MAP3K4: variants seen among roughly 807,000 people sequenced by gnomAD.
The protein encoded by MAP3K4 is mitogen-activated protein kinase kinase kinase 4.
A neutral mutation model predicts 185.6 loss-of-function variants in MAP3K4; 67 were observed. The ratio of observed to expected loss-of-function variants is 0.36; its 90% CI spans 0.30 to 0.44. MAP3K4 has a LOEUF of 0.44. Ranked by LOEUF, MAP3K4 falls within the 20% of genes least tolerant of loss-of-function variation. The pLI, the probability that MAP3K4 is intolerant of heterozygous loss-of-function variation, is 1.00. For synonymous variants in MAP3K4, 702 were observed against 710.4 expected (o/e 0.99, Z 0.19); for missense variants, 1,551 against 1,995.1 (o/e 0.78, Z 4.24).
chr6:161,013,187 T>C (rs989786407), intron 1 of MAP3K4, among the ~76,000 whole-genome samples: 4 of 152,212 alleles, frequency 2.6e-5, no homozygotes, highest in Non-Finnish European at 5.9e-5. Flanking sequence ...AAAAACTGTT[T>C]GCTAATTTCC....
rs9365246 is a variant in MAP3K4, at chr6:161,056,632, A to G, written c.1707+6653A>G. On this transcript the variant is annotated intron_variant, in intron 3 of 26. Coordinates refer to ENST00000392142, the MANE Select transcript of MAP3K4 (RefSeq NM_005922.4). The surrounding 1 kb of genome is among the most constrained non-coding windows in gnomAD (Gnocchi z 5.4). ...TAAAGTAGTTTCAGAATTGCTAACC[A>G]GTACCCCTGTGAGGAATAAATTTAT... Among the ~76,000 whole-genome samples, 32,292 of 152,078 alleles carry G rather than the reference A, an allele frequency of 0.21. 4,675 individuals carry two copies. Among genetic ancestry groups the G allele is most frequent in the African/African-American group, 0.41 (17,005 of 41,434 alleles).
At position 161,088,177 on chromosome 6, in the gene MAP3K4, C is replaced by G. The variant is rs1347037421; in HGVS notation, c.2823+223C>G. 6.6e-6 allele frequency among the ~76,000 whole-genome samples: 1 copy of G among 152,152 alleles called. No homozygotes were observed. The highest frequency in any genetic ancestry group is 1.5e-5 in the Non-Finnish European group (1 of 68,028). On this transcript the variant is annotated intron_variant, in intron 10 of 26. Coordinates refer to ENST00000392142, the MANE Select transcript of MAP3K4 (RefSeq NM_005922.4). This position sits in a 1 kb window ranked among gnomAD's most constrained non-coding sequence, Gnocchi z 4.5. ...TACTGGAATACTTGAAATAAACCAT[C>G]TATCTGGTTTATATCTTTTCTTAGT... is the stretch of plus-strand genomic sequence containing the variant.
In MAP3K4 at chr6:161,075,224, G is replaced by T. The variant is rs547131636; in HGVS notation, c.2097+1612G>T. ...GACTGAAACGCAGTGGTGTGTTGAC[G>T]GCTTCCTGTAGTCTCAACCTACTGG... On this transcript the variant is annotated intron_variant, in intron 5 of 26. Coordinates refer to ENST00000392142, the MANE Select transcript of MAP3K4 (RefSeq NM_005922.4). The surrounding 1 kb of genome is among the most constrained non-coding windows in gnomAD (Gnocchi z 4.3). 6.6e-6 allele frequency among the ~76,000 whole-genome samples: 1 copy of T among 152,078 alleles called. No individual in the cohort carries two copies. The highest frequency in any genetic ancestry group is 1.5e-5 in the Non-Finnish European group (1 of 67,996).
At chr6:161,024,164 T>C (rs377624425) in intron 1 of MAP3K4, among the ~76,000 whole-genome samples, 4 of 152,182 alleles carry the variant, frequency 2.6e-5, no homozygotes, top group African/African-American at 9.6e-5. Context: ...GATTTGTGTC[T>C]CACGATATTG....
chr6:160,997,762 A>G (rs1010384047), intron 1 of MAP3K4, among the ~76,000 whole-genome samples: 2 of 152,190 alleles, frequency 1.3e-5, no homozygotes, highest in Non-Finnish European at 2.9e-5. Context: ...TACATGGTAC[A>G]TATTGGAGCT....
At chr6:161,046,646 A>G (rs1783742295) in intron 2 of MAP3K4, among the ~76,000 whole-genome samples, 2 of 151,714 alleles carry the variant, frequency 1.3e-5, no homozygotes, top group African/African-American at 4.8e-5. Context: ...TATAAGAAAA[A>G]CCAAGCTATA....
chr6:161,058,942 T>C (rs1784368559), intron 3 of MAP3K4, among the ~76,000 whole-genome samples: 2 of 152,194 alleles, frequency 1.3e-5, no homozygotes, highest in African/African-American at 2.4e-5. Context: ...ACTTATTCTG[T>C]TGTTTTTGTA....
At chr6:161,092,618 A>G (rs1777376234) in intron 13 of MAP3K4, among the ~76,000 whole-genome samples, 1 of 146,898 alleles carries the variant, frequency 6.8e-6, no homozygotes, top group Admixed American at 6.7e-5. Flanking sequence ...TCATTAAGCA[A>G]TTTCTCCAAG....
chr6:161,052,656 ATTAAC>A (rs745803517), intron 3 of MAP3K4, among the ~76,000 whole-genome samples: 1 of 152,198 alleles, frequency 6.6e-6, no homozygotes, highest in Non-Finnish European at 1.5e-5. Flanking sequence ...TACAATTCTA[ATTAAC>A]TTAGTGGGAA....
In MAP3K4 at chr6:160,996,207, C is replaced by G. The variant is rs1419037285; in HGVS notation, c.152+4124C>G. ...CATCAGTGATGGTCATGCCTTTACA[C>G]CACTGTAACAGTAGATGCCATTGGC... On this transcript the variant is annotated intron_variant, in intron 1 of 26. Transcript: ENST00000392142. This position sits in a 1 kb window ranked among gnomAD's most constrained non-coding sequence, Gnocchi z 4.5. Among the ~76,000 whole-genome samples, 1 of 152,184 alleles carries G rather than the reference C, an allele frequency of 6.6e-6. No individual in the cohort carries two copies. Among genetic ancestry groups the G allele is most frequent in the Non-Finnish European group, 1.5e-5 (1 of 68,046 alleles).
rs761617078 is a variant in MAP3K4, at chr6:161,093,891, G to A, written c.3427+40G>A. ...AACAGCATTTCTTCTGGAACATAAT[G>A]ATTTGAGTGGACAGATCCTCTTGTA... On this transcript the variant is annotated intron_variant, in intron 15 of 26. Transcript: ENST00000392142. The surrounding 1 kb of genome is among the most constrained non-coding windows in gnomAD (Gnocchi z 5.2). 14 of 1,392,778 alleles carry A rather than the reference G, an allele frequency of 1.0e-5. No individual in the cohort carries two copies. The highest frequency in any genetic ancestry group is 1.4e-5 in the Non-Finnish European group (14 of 983,650). The allele number at this position is 1,392,778 out of a possible 1,614,324, so 86.3% of individuals were successfully genotyped here. A position where few individuals can be genotyped will look rare whatever the true frequency, so the allele number is the denominator to read the frequency against.
intron 25 of MAP3K4, among the ~76,000 whole-genome samples, chr6:161,113,294 G>A (rs1429636258): frequency 6.6e-6 from 1 of 152,170 alleles, no homozygotes; most frequent in Non-Finnish European, 1.5e-5. Context: ...CACACTGAGC[G>A]ATTCCATTTA....
At chr6:161,019,190 G>A (rs1054685408) in intron 1 of MAP3K4, among the ~76,000 whole-genome samples, 4 of 152,208 alleles carry the variant, frequency 2.6e-5, no homozygotes, top group Admixed American at 6.5e-5. Flanking sequence ...AAAAAGTTCA[G>A]TGAGTTTAAA....
intron 1 of MAP3K4, among the ~76,000 whole-genome samples, chr6:161,027,625 A>G (rs1782736856): frequency 1.3e-5 from 2 of 152,240 alleles, no homozygotes; most frequent in African/African-American, 4.8e-5. Context: ...CGGAACTTCC[A>G]TCAGTGGACC....
chr6:161,039,279 CA>C lies in MAP3K4; in HGVS notation c.343+4851del, dbSNP rs3050259. On this transcript the variant is annotated intron_variant, in intron 2 of 26. Coordinates refer to ENST00000392142, the MANE Select transcript of MAP3K4 (RefSeq NM_005922.4). The stretch of plus-strand genomic sequence containing the variant: ...CCCTAGCCCCGAACCCGCAAAAATG[CA>C]AAAAAAAAAAAAAAAAAAAACATCA... Among the ~76,000 whole-genome samples, 343 of 71,966 alleles carry C rather than the reference CA, an allele frequency of 4.8e-3. 1 individual carries two copies. Among genetic ancestry groups the C allele is most frequent in the African/African-American group, 8.8e-3 (181 of 20,638 alleles). 47.2% of individuals were successfully genotyped at this position (71,966 alleles called of 152,430 possible). A position where few individuals can be genotyped will look rare whatever the true frequency, so the allele number is the denominator to read the frequency against.
In MAP3K4 at chr6:161,108,511, C is replaced by T. The variant is rs1419299396; in HGVS notation, c.4120-232C>T. On this transcript the variant is annotated intron_variant, in intron 21 of 26. Coordinates refer to ENST00000392142, the MANE Select transcript of MAP3K4 (RefSeq NM_005922.4). The surrounding 1 kb of genome is among the most constrained non-coding windows in gnomAD (Gnocchi z 5.7). ...GTCCTCCTCCACATGGCGCTCCTCA[C>T]TCCCTCTCGGAGCAGGGCCTCTTCC... Among the ~76,000 whole-genome samples the T allele has an allele frequency of 6.6e-6, 1 of 152,084 alleles. No homozygotes were observed. Among genetic ancestry groups the T allele is most frequent in the African/African-American group, 2.4e-5 (1 of 41,370 alleles).
At chr6:161,038,402 TG>T (rs1378351884) in intron 2 of MAP3K4, among the ~76,000 whole-genome samples, 1 of 152,224 alleles carries the variant, frequency 6.6e-6, no homozygotes, top group African/African-American at 2.4e-5. Flanking sequence ...CTCAGTATTT[TG>T]AGGAGCTTTT....
rs1782159178 is a variant in MAP3K4, at chr6:161,017,251, G to A, written c.153-17008G>A. Among the ~76,000 whole-genome samples, 1 of 152,082 alleles carries A rather than the reference G, an allele frequency of 6.6e-6. No individual in the cohort carries two copies. Among genetic ancestry groups the A allele is most frequent in the African/African-American group, 2.4e-5 (1 of 41,432 alleles). On this transcript the variant is annotated intron_variant, in intron 1 of 26. Transcript: ENST00000392142. The surrounding 1 kb of genome is among the most constrained non-coding windows in gnomAD (Gnocchi z 5.1). ...GGTTTTCGGAAATTGAGTGTTTCCT[G>A]TCTTAATTAGTATATTAGAATTTTT...
At chr6:161,041,931 T>TC (rs200976804) in intron 2 of MAP3K4, among the ~76,000 whole-genome samples, 2,069 of 139,674 alleles carry the variant, frequency 0.015, 31 homozygotes, top group Non-Finnish European at 0.024. Flanking sequence ...TTTTTCTTTT[T>TC]TTTTTTTTTA....
Sources: gnomAD v4.1 joint callset for allele counts (sites outside exome capture counted in the v4.1 genomes callset) on GRCh38, gnomAD v4.1.1 for gene constraint, Gnocchi (gnomAD v3.1) non-coding constraint, MANE v1.5 for transcripts, NCBI Gene and HGNC (gene_info 2026-07-23, HGNC 2026-07-21) for gene names.